The following PARPBP variants were observed in gnomAD, a reference collection of about 807,000 sequenced individuals.
PARPBP encodes PARP1 binding protein, also known as PCNA-interacting partner.
A neutral mutation model predicts 50.0 loss-of-function variants in PARPBP; 52 were observed. That is an observed-to-expected ratio of 1.04 (90% CI 0.83 to 1.31). The LOEUF (loss-of-function observed/expected upper bound fraction) is 1.31. Ranked by LOEUF, PARPBP falls within the 50% of genes most tolerant of loss-of-function variation. The probability of loss-of-function intolerance (pLI) is 0.00; values close to 1 mark genes in which losing one functional copy is unlikely to be tolerated. For synonymous variants in PARPBP, 244 were observed against 232.1 expected, an observed-to-expected ratio of 1.05 and a Z score of -0.47; for missense variants, 697 against 672.0, an observed-to-expected ratio of 1.04 and a Z score of -0.41.
rs148169413 is a variant in PARPBP, at chr12:102,148,410, C to T, written c.334C>T (p.Gln112Ter). ...TATGTTAGATCTGATTGATGTTTAT[C>T]AAAAATGTAGGGCTTTGACTTCTAA... is the stretch of plus-strand genomic sequence containing the variant. ...SNMLDLIDVY[Q>*]KCRALTSNCE... Residue 112 changes from glutamine to a stop codon, truncating the protein, a stop_gained, in exon 3 of 11, where the codon CAA becomes TAA. Coordinates refer to ENST00000327680, the MANE Select transcript of PARPBP (RefSeq NM_017915.5). LOFTEE classifies it high-confidence loss of function. The T allele has an allele frequency of 1.3e-6, 2 of 1,565,850 alleles. No homozygotes were observed. The highest frequency in any genetic ancestry group is 8.8e-7 in the Non-Finnish European group (1 of 1,138,542).
intron 9 of PARPBP, among the ~76,000 whole-genome samples, chr12:102,191,788 A>G (rs1468989115): frequency 6.6e-6 from 1 of 152,166 alleles, no homozygotes; most frequent in African/African-American, 2.4e-5. Flanking sequence ...AAATCACTCT[A>G]CAAAGGAATA....
chr12:102,149,169 T>A (rs1885856730), intron 3 of PARPBP, among the ~76,000 whole-genome samples: 1 of 152,182 alleles, frequency 6.6e-6, no homozygotes, highest in South Asian at 2.1e-4. Flanking sequence ...GAAGCTGGAA[T>A]TAGAGGAAAA....
intron 4 of PARPBP, among the ~76,000 whole-genome samples, chr12:102,162,602 CTG>C (rs1236511155): frequency 6.6e-6 from 1 of 152,166 alleles, no homozygotes. Context: ...AGAAGGATCA[CTG>C]GAGCCCAGGA....
chr12:102,134,729 G>A (rs1340897581), intron 2 of PARPBP, among the ~76,000 whole-genome samples: 9 of 152,134 alleles, frequency 5.9e-5, no homozygotes, highest in Non-Finnish European at 1.2e-4. Flanking sequence ...CCAGGCTGGA[G>A]TGCAGTGGCA....
At chr12:102,165,562 T>G (rs1888053251) in intron 5 of PARPBP, among the ~76,000 whole-genome samples, 167 bp from the exon 6 acceptor site, 2 of 152,168 alleles carry the variant, frequency 1.3e-5, no homozygotes, top group Admixed American at 6.5e-5. Context: ...TGCATGGCAT[T>G]TGTTTCTTTG....
intron 4 of PARPBP, among the ~76,000 whole-genome samples, chr12:102,155,599 G>GGA (rs1555216777): frequency 2.4e-5 from 3 of 126,914 alleles, no homozygotes; most frequent in East Asian, 5.8e-4. Context: ...CATGGTGGGG[G>GGA]GGGGGGGCGG....
chr12:102,196,115 T>C lies in PARPBP; in HGVS notation c.1564T>C (p.Cys522Arg), dbSNP rs1891295430. ...GGATTTGGATGGTGAAAATATTCTCTGTGATAATAGAAATGAACCACCTCA... is the reference window on the plus strand; with the variant it reads ...GGATTTGGATGGTGAAAATATTCTCCGTGATAATAGAAATGAACCACCTCA... ...QVDLDGENIL[C>R]DNRNEPPQHK... Residue 522 changes from cysteine (C) to arginine (R), a missense_variant, in exon 11 of 11, where the codon TGT becomes CGT. By Grantham distance (180) the Cys-to-Arg change is radical. Coordinates refer to ENST00000327680, the MANE Select transcript of PARPBP (RefSeq NM_017915.5). 6.2e-7 allele frequency: 1 copy of C among 1,612,056 alleles called. No homozygotes were observed. Among genetic ancestry groups the C allele is most frequent in the Non-Finnish European group, 8.5e-7 (1 of 1,178,646 alleles).
chr12:102,158,260 C>A (rs1887181359), intron 4 of PARPBP, among the ~76,000 whole-genome samples: 1 of 151,924 alleles, frequency 6.6e-6, no homozygotes, highest in Non-Finnish European at 1.5e-5. Context: ...CAGGGTAACT[C>A]CTCAATTCTC....
At chr12:102,165,523 A>G (rs1176604021) in intron 5 of PARPBP, among the ~76,000 whole-genome samples, 1 of 152,132 alleles carries the variant, frequency 6.6e-6, no homozygotes, top group Non-Finnish European at 1.5e-5. Context: ...GCTGGGTGTC[A>G]TTGCCACCAC....
chr12:102,197,363 C>A lies in PARPBP; in HGVS notation c.*1072C>A. On this transcript the variant is annotated 3_prime_UTR_variant, in exon 11 of 11. Transcript: ENST00000327680. ...AGAGGTGTTTGCTGGGATGGAAGAACTACCTGGCATGTAAGAAATATCGTC... is the reference window on the plus strand; with the variant it reads ...AGAGGTGTTTGCTGGGATGGAAGAAATACCTGGCATGTAAGAAATATCGTC... The A allele has an allele frequency of 1.2e-6, 1 of 808,670 alleles. No homozygotes were observed. Among genetic ancestry groups the A allele is most frequent in the Non-Finnish European group, 1.9e-6 (1 of 519,370 alleles). 50.1% of individuals were successfully genotyped at this position (808,670 alleles called of 1,614,324 possible). A position where few individuals can be genotyped will look rare whatever the true frequency, so the allele number is the denominator to read the frequency against.
At chr12:102,149,030 AT>A (rs1325069669) in intron 3 of PARPBP, 1 of 152,114 alleles carries the variant, frequency 6.6e-6, no homozygotes, top group Non-Finnish European at 1.5e-5. Context: ...CTACGTTAGA[AT>A]TTATAAACTG....
At chr12:102,172,723 G>A (rs926266502) in intron 6 of PARPBP, among the ~76,000 whole-genome samples, 2 of 152,062 alleles carry the variant, frequency 1.3e-5, no homozygotes, top group Admixed American at 1.3e-4. Flanking sequence ...GAGAAAAGGA[G>A]GTCAAAGGTG....
At chr12:102,143,334 A>G (rs1406969535) in intron 2 of PARPBP, among the ~76,000 whole-genome samples, 1 of 152,200 alleles carries the variant, frequency 6.6e-6, no homozygotes, top group Non-Finnish European at 1.5e-5. Flanking sequence ...GACCATTGGA[A>G]AAGCACAGTA....
chr12:102,192,231 T>C (rs1293733072), intron 9 of PARPBP, among the ~76,000 whole-genome samples: 2 of 152,130 alleles, frequency 1.3e-5, no homozygotes, highest in East Asian at 3.8e-4. Flanking sequence ...TTCCTACATG[T>C]TATTACAATA....
chr12:102,177,666 G>T (rs1053581591), intron 7 of PARPBP, among the ~76,000 whole-genome samples: 1 of 151,762 alleles, frequency 6.6e-6, no homozygotes. Context: ...GATAACATTC[G>T]TATCTCACAA....
intron 2 of PARPBP, among the ~76,000 whole-genome samples, chr12:102,134,514 C>T (rs1233215427): frequency 6.6e-6 from 1 of 152,150 alleles, no homozygotes; most frequent in African/African-American, 2.4e-5. Context: ...CTGCTGAATT[C>T]TACCAAACAT....
chr12:102,139,185 C>T (rs1019237849), intron 2 of PARPBP, among the ~76,000 whole-genome samples: 2 of 152,132 alleles, frequency 1.3e-5, no homozygotes, highest in Admixed American at 1.3e-4. Flanking sequence ...TTGTAGTTCT[C>T]CTTGAAGAGG....
At position 102,182,574 on chromosome 12, in the gene PARPBP, A is replaced by G; in HGVS notation, c.1210A>G (p.Ile404Val). 3 of 1,611,694 alleles carry G rather than the reference A, an allele frequency of 1.9e-6. No individual in the cohort carries two copies. Among genetic ancestry groups the G allele is most frequent in the Non-Finnish European group, 2.5e-6 (3 of 1,178,586 alleles). ...FRSPTQVNNS[I>V]KPLRERICVS... ...GTCTCCCACACAGGTGAATAATTCG[A>G]TAAAACCCCTAAGAGAACGCATCTG... The change falls in exon 9 of 11, where the codon ATA becomes GTA. Residue 404 changes from isoleucine to valine, a missense_variant. Ile to Val is a conservative substitution (Grantham distance 29). Transcript: ENST00000327680.
chr12:102,181,491 A>G (rs923561125), intron 8 of PARPBP, among the ~76,000 whole-genome samples: 2 of 152,242 alleles, frequency 1.3e-5, no homozygotes, highest in African/African-American at 4.8e-5. Context: ...ATTGTACTAA[A>G]TAGTATAAAG....
Sources: allele counts gnomAD v4.1 joint callset (sites outside exome capture counted in the v4.1 genomes callset), GRCh38; gene constraint gnomAD v4.1.1; transcripts MANE v1.5; gene names NCBI Gene and HGNC (gene_info 2026-07-23, HGNC 2026-07-21).